Variants in CSRNP3 observed in about 807,000 individuals in gnomAD.
CSRNP3 encodes cysteine/serine-rich nuclear protein 3.
In CSRNP3, 12 loss-of-function variants were observed where a neutral mutation model predicts 48.0. That is an observed-to-expected ratio of 0.25 (90% CI 0.16 to 0.41). CSRNP3 has a LOEUF of 0.41. Ranked by LOEUF, CSRNP3 falls within the 10% of genes least tolerant of loss-of-function variation. The pLI is 1.00. For missense variants in CSRNP3, 580 were observed against 724.4 expected (o/e 0.80, Z 2.29); for synonymous variants, 263 against 269.7 (o/e 0.98, Z 0.24).
chr2:165,639,658 C>T (rs1686693639), intron 4 of CSRNP3, among the ~76,000 whole-genome samples: 1 of 152,074 alleles, frequency 6.6e-6, no homozygotes, highest in South Asian at 2.1e-4. Context: ...TGTTTTGACA[C>T]CTGAGGAGAT....
At chr2:165,619,213 AGAC>A (rs1266669801) in intron 4 of CSRNP3, among the ~76,000 whole-genome samples, 1 of 152,202 alleles carries the variant, frequency 6.6e-6, no homozygotes, top group African/African-American at 2.4e-5. Flanking sequence ...TGTTCCTAGA[AGAC>A]GACAGAGTAA....
chr2:165,573,733 G>C (rs890129711), intron 3 of CSRNP3, among the ~76,000 whole-genome samples: 1 of 152,154 alleles, frequency 6.6e-6, no homozygotes, highest in Non-Finnish European at 1.5e-5. Context: ...GTGACCTCAT[G>C]TATTTGTGTA....
At chr2:165,577,966 T>A (rs571525652) in intron 3 of CSRNP3, among the ~76,000 whole-genome samples, 57 of 152,180 alleles carry the variant, frequency 3.7e-4, no homozygotes, top group African/African-American at 1.3e-3. Flanking sequence ...GTGTTCAGAA[T>A]GTTGAAAATC....
At chr2:165,666,188 G>A (rs1167003086) in intron 5 of CSRNP3, among the ~76,000 whole-genome samples, 1 of 120,838 alleles carries the variant, frequency 8.3e-6, no homozygotes. Flanking sequence ...GGAAGGAAGG[G>A]AGGAAAGAGA....
At chr2:165,521,222 G>GT (rs1270103790) in intron 3 of CSRNP3, among the ~76,000 whole-genome samples, 9 of 151,890 alleles carry the variant, frequency 5.9e-5, no homozygotes, top group Admixed American at 5.9e-4. Flanking sequence ...CTGGTTGAAG[G>GT]TTATGGGGGA....
intron 3 of CSRNP3, among the ~76,000 whole-genome samples, chr2:165,539,407 G>A (rs896676399): frequency 6.6e-6 from 1 of 151,904 alleles, no homozygotes; most frequent in Non-Finnish European, 1.5e-5. Context: ...GCCAGAATGA[G>A]CTGACTTTTT....
intron 4 of CSRNP3, among the ~76,000 whole-genome samples, chr2:165,615,249 T>C (rs1686217813): frequency 6.6e-6 from 1 of 152,138 alleles, no homozygotes; most frequent in African/African-American, 2.4e-5. Context: ...ATACTTAGAA[T>C]AGTTATATCC....
chr2:165,470,241 G>C (rs186178826), intron 1 of CSRNP3, among the ~76,000 whole-genome samples: 2 of 152,004 alleles, frequency 1.3e-5, no homozygotes, highest in African/African-American at 4.8e-5. Context: ...GACTCTTTTA[G>C]CATTAATTTA....
At chr2:165,645,030 C>T (rs1335804421) in intron 4 of CSRNP3, among the ~76,000 whole-genome samples, 4 of 152,000 alleles carry the variant, frequency 2.6e-5, no homozygotes, top group African/African-American at 9.7e-5. Context: ...TCTCTGGGGT[C>T]TCTTTATAAA....
intron 4 of CSRNP3, among the ~76,000 whole-genome samples, chr2:165,614,568 A>G (rs900535080): frequency 6.6e-6 from 1 of 152,128 alleles, no homozygotes; most frequent in Non-Finnish European, 1.5e-5. Context: ...TGTGTTTGTC[A>G]TATATGGCCT....
chr2:165,568,904 T>G (rs1417277645), intron 3 of CSRNP3, among the ~76,000 whole-genome samples: 1 of 152,088 alleles, frequency 6.6e-6, no homozygotes. Flanking sequence ...ATAATTTTTC[T>G]GATTTTAGCA....
At chr2:165,523,753 A>G (rs1257652977) in intron 3 of CSRNP3, among the ~76,000 whole-genome samples, 1 of 152,248 alleles carries the variant, frequency 6.6e-6, no homozygotes, top group Non-Finnish European at 1.5e-5. Context: ...TATAGGTAAT[A>G]TAAATGAGTG....
intron 4 of CSRNP3, among the ~76,000 whole-genome samples, chr2:165,626,487 C>T (rs758238255): frequency 6.6e-6 from 1 of 152,180 alleles, no homozygotes; most frequent in African/African-American, 2.4e-5. Context: ...ACATAAACAC[C>T]TTATTTCCCC....
chr2:165,592,955 C>G, intron 3 of CSRNP3, among the ~76,000 whole-genome samples: 1 of 151,156 alleles, frequency 6.6e-6, no homozygotes, highest in Non-Finnish European at 1.5e-5. Context: ...GCGCCCGCCA[C>G]TACGCCCGGC....
At chr2:165,520,783 T>TTATATATATA (rs869287628) in intron 3 of CSRNP3, among the ~76,000 whole-genome samples, 12 of 29,656 alleles carry the variant, frequency 4.0e-4, no homozygotes, top group Middle Eastern at 0.01. Context: ...TATATATATA[T>TTATATATATA]TATATATATA....
intron 3 of CSRNP3, among the ~76,000 whole-genome samples, chr2:165,593,233 A>T (rs1187157571): frequency 6.6e-6 from 1 of 152,196 alleles, no homozygotes; most frequent in Non-Finnish European, 1.5e-5. Context: ...TTTGACTAGG[A>T]ATTCAGTGCT....
At chr2:165,494,321 G>C (rs1344246321) in intron 1 of CSRNP3, among the ~76,000 whole-genome samples, 4 of 152,100 alleles carry the variant, frequency 2.6e-5, no homozygotes, top group East Asian at 3.9e-4. Flanking sequence ...TGAGAAAAAA[G>C]AAATCCCAAG....
At chr2:165,664,311 C>A (rs1687143846) in intron 5 of CSRNP3, among the ~76,000 whole-genome samples, 1 of 152,212 alleles carries the variant, frequency 6.6e-6, no homozygotes. Context: ...AAAACATATC[C>A]TATGCTTTCT....
At chr2:165,677,081 G>T (rs1267339397) in intron 6 of CSRNP3, among the ~76,000 whole-genome samples, 1 of 152,176 alleles carries the variant, frequency 6.6e-6, no homozygotes, top group African/African-American at 2.4e-5. Flanking sequence ...TTTGCTGTTT[G>T]CCAACTATAT....
Sources: allele counts gnomAD v4.1 joint callset (sites outside exome capture counted in the v4.1 genomes callset), GRCh38; gene constraint gnomAD v4.1.1; transcripts MANE v1.5; gene names NCBI Gene and HGNC (gene_info 2026-07-23, HGNC 2026-07-21).